The following POU6F2 variants were observed in gnomAD, a reference collection of about 807,000 sequenced individuals.
POU6F2 encodes POU domain, class 6, transcription factor 2.
Under a neutral mutation model 71.3 loss-of-function variants are expected in POU6F2, and 31 were observed. That is an observed-to-expected ratio of 0.43 (90% CI 0.33 to 0.59). The LOEUF (loss-of-function observed/expected upper bound fraction) is 0.59, where lower values mean the gene tolerates loss of function less well. POU6F2 is among the 20% of genes least tolerant of loss of function. The probability of loss-of-function intolerance (pLI) is 0.04; values close to 1 mark genes in which losing one functional copy is unlikely to be tolerated. For synonymous variants in POU6F2, 347 were observed against 355.7 expected (o/e 0.98, Z 0.27); for missense variants, 783 against 856.8 (o/e 0.91, Z 1.07).
intron 1 of POU6F2, among the ~76,000 whole-genome samples, chr7:39,014,671 A>T: frequency 6.6e-6 from 1 of 152,004 alleles, no homozygotes; most frequent in African/African-American, 2.4e-5. Context: ...TCACCTCCAC[A>T]TGTTGCTATA....
intron 4 of POU6F2, among the ~76,000 whole-genome samples, chr7:39,235,239 A>AT (rs1794654069): frequency 6.6e-6 from 1 of 152,158 alleles, no homozygotes; most frequent in Non-Finnish European, 1.5e-5. Context: ...ACAGCCACTC[A>AT]TTTTTAGAAA....
At chr7:39,230,046 T>C (rs1794546397) in intron 4 of POU6F2, among the ~76,000 whole-genome samples, 2 of 152,184 alleles carry the variant, frequency 1.3e-5, no homozygotes, top group South Asian at 4.1e-4. Context: ...ATAATAAAAC[T>C]AGGAAGCAGT....
intron 2 of POU6F2, among the ~76,000 whole-genome samples, chr7:39,158,546 G>A (rs367961620): frequency 3.0e-4 from 45 of 152,204 alleles, no homozygotes; most frequent in African/African-American, 9.1e-4. Context: ...CATCACTCTC[G>A]GTCTGAGGCT....
At chr7:39,101,036 T>C (rs961049312) in intron 2 of POU6F2, among the ~76,000 whole-genome samples, 2 of 151,650 alleles carry the variant, frequency 1.3e-5, no homozygotes, top group African/African-American at 4.8e-5. Context: ...ATCTAGATCT[T>C]CCAATTTTTC....
chr7:39,212,038 T>A (rs1722954920), intron 4 of POU6F2, among the ~76,000 whole-genome samples: 1 of 152,244 alleles, frequency 6.6e-6, no homozygotes, highest in Non-Finnish European at 1.5e-5. Flanking sequence ...AAATTCTGAC[T>A]ATCCAAGAGA....
intron 1 of POU6F2, among the ~76,000 whole-genome samples, chr7:39,053,939 C>T (rs1790452116): frequency 6.6e-6 from 1 of 151,878 alleles, no homozygotes; most frequent in Admixed American, 6.6e-5. Context: ...CCTGTCTCTA[C>T]TAAAAATACA....
At chr7:39,341,689 T>C (rs1167398729) in intron 5 of POU6F2, among the ~76,000 whole-genome samples, 5 of 152,208 alleles carry the variant, frequency 3.3e-5, no homozygotes, top group Non-Finnish European at 1.5e-5. Flanking sequence ...TGAAATTACT[T>C]AGGTGTGTCC....
chr7:39,135,344 G>A (rs1215681858), intron 2 of POU6F2, among the ~76,000 whole-genome samples: 1 of 152,162 alleles, frequency 6.6e-6, no homozygotes, highest in African/African-American at 2.4e-5. Context: ...CAGCCATTGT[G>A]GCATTTACTT....
rs947758001 is a variant in POU6F2 at position 38,990,983 on chromosome 7, T to G, written c.105+12925T>G. On this transcript the variant is annotated intron_variant, in intron 1 of 9. Coordinates refer to ENST00000518318, the MANE Select transcript of POU6F2 (RefSeq NM_001370959.1). ...ATTCACATCTCCCTTCCTTCAATAT[T>G]TCTTGGTGGTTTTCTTTCTTTCTAG... 2.6e-5 allele frequency among the ~76,000 whole-genome samples: 4 copies of G among 152,138 alleles called. No individual in the cohort carries two copies. The East Asian group carries it at 7.7e-4, about 29-fold the overall frequency.
At chr7:39,137,235 A>T (rs2128731036) in intron 2 of POU6F2, among the ~76,000 whole-genome samples, 1 of 152,208 alleles carries the variant, frequency 6.6e-6, no homozygotes. Flanking sequence ...TCAAAATATC[A>T]CTCTGTATTT....
intron 2 of POU6F2, among the ~76,000 whole-genome samples, chr7:39,118,745 C>T (rs907113944): frequency 1.3e-5 from 2 of 152,126 alleles, no homozygotes; most frequent in Admixed American, 6.5e-5. Context: ...AAAATAATTT[C>T]TCATAAACAA....
At chr7:39,146,895 T>G (rs1264068493) in intron 2 of POU6F2, among the ~76,000 whole-genome samples, 1 of 152,138 alleles carries the variant, frequency 6.6e-6, no homozygotes, top group Non-Finnish European at 1.5e-5. Flanking sequence ...GTTCATACCA[T>G]TTAAGTAATT....
At chr7:39,221,114 G>C (rs1794346138) in intron 4 of POU6F2, among the ~76,000 whole-genome samples, 1 of 152,020 alleles carries the variant, frequency 6.6e-6, no homozygotes, top group Admixed American at 6.5e-5. Context: ...GCTCCCATTT[G>C]CAGCTTACAT....
intron 1 of POU6F2, among the ~76,000 whole-genome samples, chr7:39,022,624 C>A (rs1170378298): frequency 6.6e-6 from 1 of 152,058 alleles, no homozygotes; most frequent in African/African-American, 2.4e-5. Flanking sequence ...AATATATATT[C>A]TTTTATGTCT....
chr7:39,444,363 C>A (rs3819417), intron 7 of POU6F2, among the ~76,000 whole-genome samples: 50,580 of 152,064 alleles, frequency 0.33, 9,354 homozygotes, highest in East Asian at 0.58. Context: ...GCAGGCAGAT[C>A]GCCTGAGCTC....
At chr7:39,292,339 G>GA (rs1363406843) in intron 4 of POU6F2, among the ~76,000 whole-genome samples, 1 of 152,174 alleles carries the variant, frequency 6.6e-6, no homozygotes, top group Non-Finnish European at 1.5e-5. Context: ...TGATTACCAT[G>GA]TTCATTGTGA....
At chr7:39,292,866 G>A (rs757711316) in intron 4 of POU6F2, among the ~76,000 whole-genome samples, 5 of 152,130 alleles carry the variant, frequency 3.3e-5, no homozygotes, top group Non-Finnish European at 7.4e-5. Context: ...GGGTTGGGGG[G>A]CTGCAGGGAT....
At chr7:39,300,581 C>T (rs191187511) in intron 4 of POU6F2, among the ~76,000 whole-genome samples, 196 of 152,272 alleles carry the variant, frequency 1.3e-3, no homozygotes, top group Non-Finnish European at 2.2e-3. Flanking sequence ...GTTCTGGAGA[C>T]GCAAAGTCTG....
At chr7:39,018,434 T>G (rs1789609499) in intron 1 of POU6F2, among the ~76,000 whole-genome samples, 1 of 151,784 alleles carries the variant, frequency 6.6e-6, no homozygotes, top group Non-Finnish European at 1.5e-5. Flanking sequence ...AAACCTCACC[T>G]GAACTGACAT....
Sources: allele counts gnomAD v4.1 joint callset (sites outside exome capture counted in the v4.1 genomes callset), GRCh38; gene constraint gnomAD v4.1.1; transcripts MANE v1.5; gene names NCBI Gene and HGNC (gene_info 2026-07-23, HGNC 2026-07-21).